Variants in GPR179 observed in about 807,000 individuals in gnomAD.
GPR179 encodes the protein G protein-coupled receptor 179, also known as probable G protein-coupled receptor 179.
A neutral mutation model predicts 70.8 loss-of-function variants in GPR179; 52 were observed. The observed-to-expected ratio is 0.73, with a 90% CI of 0.59 to 0.93. The LOEUF is 0.93. Ranked by LOEUF, GPR179 falls within the 40% of genes least tolerant of loss-of-function variation. The probability of loss-of-function intolerance (pLI) is 0.00; values close to 1 mark genes in which losing one functional copy is unlikely to be tolerated. For missense variants in GPR179, 2,734 were observed against 2,966.8 expected, an observed-to-expected ratio of 0.92 and a Z score of 1.82; for synonymous variants, 1,123 against 1,169.0, an observed-to-expected ratio of 0.96 and a Z score of 0.80.
intron 5 of GPR179, 89 bp from the exon 6 acceptor site, chr17:38,335,789 A>G: frequency 1.2e-6 from 1 of 843,256 alleles, no homozygotes; most frequent in Admixed American, 1.9e-5. Context: ...TCCTCCCAAC[A>G]GCCCTGCAAT....
Position 38,330,433 on chromosome 17 carries a change from C to T in GPR179, c.3136G>A (p.Glu1046Lys), listed in dbSNP as rs905448279. Residue 1046 changes from glutamate to lysine, a missense_variant, in exon 11 of 11, where the codon GAG becomes AAG. By Grantham distance (56) the Glu-to-Lys change is moderately conservative. Transcript: ENST00000616987. ...TGATGTGCATCCTCTGCGTCCATCT[C>T]ATTCTCCCCAGCCCTGCTTTTCTCT... is the stretch of plus-strand genomic sequence containing the variant. ...AVEKSRAGEN[E>K]MDAEDAHHQR... is the part of the protein sequence containing the mutation. 5 of 1,589,168 alleles carry T rather than the reference C, an allele frequency of 3.1e-6. No homozygotes were observed. The highest frequency in any genetic ancestry group is 1.3e-5 in the African/African-American group (1 of 74,388).
In GPR179 at chr17:38,326,914, C is replaced by T; in HGVS notation, c.6655G>A (p.Ala2219Thr). The T allele has an allele frequency of 6.2e-7, 1 of 1,614,172 alleles. No individual in the cohort carries two copies. The highest frequency in any genetic ancestry group is 1.3e-5 in the African/African-American group (1 of 75,052). The change falls in exon 11 of 11, where the codon GCA (alanine) becomes ACA (threonine). Residue 2219 changes from alanine to threonine, a missense_variant. Transcript: ENST00000616987. The stretch of plus-strand genomic sequence containing the variant: ...GTGATTTCCCATTGGCACAGCTCTG[C>T]CATCCTGCTTCCCATGCTGCCTGCT... Reference protein sequence around the residue: ...KEAGSMGSRMAELCQWEITDP... With the variant: ...KEAGSMGSRMTELCQWEITDP...
chr17:38,335,153 T>C lies in GPR179; in HGVS notation c.1525A>G (p.Thr509Ala), dbSNP rs751897940. 8 of 1,588,304 alleles carry C rather than the reference T, an allele frequency of 5.0e-6. No homozygotes were observed. The Admixed American group carries it at 1.4e-4, about 29-fold the overall frequency. ...LPVLGFLAVW[T>A]VGALERGIQH... is the part of the protein sequence containing the mutation. ...ATGCCTCGCTCCAGGGCGCCCACGGTCCACACAGCCAGGAAGCCCAGCACA... is the reference window on the plus strand; with the variant it reads ...ATGCCTCGCTCCAGGGCGCCCACGGCCCACACAGCCAGGAAGCCCAGCACA... The change falls in exon 7 of 11, where the codon ACC becomes GCC. Residue 509 changes from threonine (T) to alanine (A), a missense_variant. Transcript: ENST00000616987.
chr17:38,340,859 A>C (rs2037443690), intron 1 of GPR179, among the ~76,000 whole-genome samples: 1 of 152,234 alleles, frequency 6.6e-6, no homozygotes. Context: ...CGGAGGTTGC[A>C]GTGAGCCAAG....
In GPR179 at chr17:38,327,945, A is replaced by G; in HGVS notation, c.5624T>C (p.Ile1875Thr). Residue 1875 changes from isoleucine (I) to threonine (T), a missense_variant, in exon 11 of 11, where the codon ATT (isoleucine) becomes ACT (threonine). Coordinates refer to ENST00000616987, the MANE Select transcript of GPR179 (RefSeq NM_001004334.4). ...KLCQQQETIC[I>T]WENKDLRESP... ...TTCCCTCAAGTCCTTGTTCTCCCAA[A>G]TACAAATAGTTTCCTGTTGTTGACA... The G allele has an allele frequency of 6.2e-7, 1 of 1,614,110 alleles. No homozygotes were observed. Among genetic ancestry groups the G allele is most frequent in the South Asian group, 1.1e-5 (1 of 91,074 alleles).
Position 38,329,297 on chromosome 17 carries a change from C to T in GPR179, c.4272G>A (p.Leu1424=), listed in dbSNP as rs895571837. The T allele has an allele frequency of 3.7e-6, 6 of 1,612,826 alleles. No homozygotes were observed. The Middle Eastern group carries it at 6.6e-4, about 177-fold the overall frequency. ...FWKEQKPGGD[L]ESLCPWESTD... ...TACTCTCCCATGGACAAAGAGACTC[C>T]AAGTCTCCTCCCGGTTTCTGTTCTT... Residue 1424 remains leucine (L), a synonymous_variant, in exon 11 of 11, where the codon TTG becomes TTA. Transcript: ENST00000616987.
intron 4 of GPR179, 46 bp from the exon 5 acceptor site, chr17:38,336,190 T>C (rs1276670387): frequency 3.8e-6 from 5 of 1,318,120 alleles, no homozygotes; most frequent in Non-Finnish European, 5.5e-6. Flanking sequence ...TGGACGATGG[T>C]TCTAGAGGCT....
At position 38,329,519 on chromosome 17, in the gene GPR179, C is replaced by A; in HGVS notation, c.4050G>T (p.Gly1350=). The part of the protein sequence containing the change: ...PGRIRDKSEA[G]DSVEARKVEK... ...CCACCTTCCTGGCCTCCACACTGTC[C>A]CCCGCCTCAGATTTGTCTCTGATTC... The change falls in exon 11 of 11, where the codon GGG becomes GGT. Residue 1350 remains glycine, a synonymous_variant. Coordinates refer to ENST00000616987, the MANE Select transcript of GPR179 (RefSeq NM_001004334.4). The A allele has an allele frequency of 6.2e-7, 1 of 1,614,112 alleles. No homozygotes were observed. The highest frequency in any genetic ancestry group is 2.2e-5 in the East Asian group (1 of 44,860).
chr17:38,335,492 G>T, intron 6 of GPR179, 99 bp downstream of exon 6: 1 of 893,430 alleles, frequency 1.1e-6, no homozygotes, highest in Non-Finnish European at 1.8e-6. Context: ...GAGGGGAGTG[G>T]GGCTGGCAAG....
intron 1 of GPR179, among the ~76,000 whole-genome samples, chr17:38,340,946 C>G (rs1171965337): frequency 6.6e-6 from 1 of 151,306 alleles, no homozygotes; most frequent in African/African-American, 2.5e-5. Flanking sequence ...AACAAACAAA[C>G]AAAAAACTTT....
Position 38,324,719 on chromosome 17 carries a change from C to T in GPR179, c.*1746G>A, listed in dbSNP as rs2144248941. On this transcript the variant is annotated 3_prime_UTR_variant, in exon 11 of 11. Transcript: ENST00000616987. ...GTGCACAGCAAAATCCACTTTAGCT[C>T]AGAAGCCGTAAGGCTAACTAGCCAG... is the stretch of plus-strand genomic sequence containing the variant. Among the ~76,000 whole-genome samples the T allele has an allele frequency of 1.3e-5, 2 of 150,874 alleles. No individual in the cohort carries two copies. Among genetic ancestry groups the T allele is most frequent in the Admixed American group, 1.3e-4 (2 of 14,978 alleles).
rs776981644 is a variant in GPR179, at chr17:38,343,034, G to T, written c.756C>A (p.Thr252=). 1.2e-6 allele frequency: 2 copies of T among 1,613,130 alleles called. No individual in the cohort carries two copies. Among genetic ancestry groups the T allele is most frequent in the Non-Finnish European group, 1.7e-6 (2 of 1,179,458 alleles). Residue 252 remains threonine (T), a synonymous_variant, in exon 1 of 11, where the codon ACC becomes ACA. Transcript: ENST00000616987. This position sits in a 1 kb window ranked among gnomAD's most constrained non-coding sequence, Gnocchi z 4.2. ...RPGWLITLSA[T]FYGLKPDLSP... is the part of the protein sequence containing the mutation. ...TGAGGTCTGGCTTGAGTCCATAGAA[G>T]GTGGCAGAGAGTGTGATCAGCCATC... is the stretch of plus-strand genomic sequence containing the variant.
intron 1 of GPR179, among the ~76,000 whole-genome samples, chr17:38,340,523 C>T (rs1005234000): frequency 2.6e-5 from 4 of 152,314 alleles, no homozygotes; most frequent in South Asian, 4.1e-4. Flanking sequence ...CTCAAGCCAT[C>T]CTCCCACCTG....
intron 10 of GPR179, among the ~76,000 whole-genome samples, chr17:38,332,441 A>G (rs1390568525): frequency 6.6e-6 from 1 of 152,160 alleles, no homozygotes; most frequent in Non-Finnish European, 1.5e-5. Context: ...GAGAATAAGC[A>G]TGCTTTTCCA....
chr17:38,330,122 G>A lies in GPR179; in HGVS notation c.3447C>T (p.Asp1149=), dbSNP rs1262445850. 6 of 1,607,726 alleles carry A rather than the reference G, an allele frequency of 3.7e-6. No individual in the cohort carries two copies. The highest frequency in any genetic ancestry group is 5.1e-6 in the Non-Finnish European group (6 of 1,176,568). Residue 1149 remains aspartate, a synonymous_variant, in exon 11 of 11, where the codon GAC becomes GAT. Transcript: ENST00000616987. The part of the protein sequence containing the change: ...SKQAALIPSD[D]KESLQNQQNA... The stretch of plus-strand genomic sequence containing the variant: ...TCTGTTGGTTCTGGAGGGACTCCTT[G>A]TCATCGGAGGGGATAAGAGCGGCCT...
Position 38,337,080 on chromosome 17 carries a change from T to C in GPR179, c.1125A>G (p.Glu375=). The C allele has an allele frequency of 6.2e-7, 1 of 1,610,176 alleles. No homozygotes were observed. The highest frequency in any genetic ancestry group is 8.5e-7 in the Non-Finnish European group (1 of 1,178,686). Residue 375 remains glutamate (E), a synonymous_variant, in exon 4 of 11, where the codon GAA becomes GAG. Coordinates refer to ENST00000616987, the MANE Select transcript of GPR179 (RefSeq NM_001004334.4). The part of the protein sequence containing the change: ...SCMDATPCLV[E]EAAVLRAAVL... ...CAGCGGCCCGCAGCACCGCGGCCTCTTCCACCAGGCACGGTGTGGCATCCA... is the reference window on the plus strand; with the variant it reads ...CAGCGGCCCGCAGCACCGCGGCCTCCTCCACCAGGCACGGTGTGGCATCCA...
In GPR179 at chr17:38,325,973, TG is replaced by T. The variant is rs1439717602; in HGVS notation, c.*491del. On this transcript the variant is annotated 3_prime_UTR_variant, in exon 11 of 11. Coordinates refer to ENST00000616987, the MANE Select transcript of GPR179 (RefSeq NM_001004334.4). ...AATTAAATGGCTCTTCAGCTTTCTA[TG>T]GTGGCCTTTATAGCCTTCTGTGGTC... is the stretch of plus-strand genomic sequence containing the variant. 2 of 155,784 alleles carry T rather than the reference TG, an allele frequency of 1.3e-5. No individual in the cohort carries two copies. Among genetic ancestry groups the T allele is most frequent in the African/African-American group, 4.8e-5 (2 of 41,598 alleles). The allele number at this position is 155,784 out of a possible 1,614,324, so 9.7% of individuals were successfully genotyped here.
Position 38,330,786 on chromosome 17 carries a change from A to C in GPR179, c.2783T>G (p.Leu928Arg), listed in dbSNP as rs1287520441. ...GRLHEEARRRLPHPPIRHQVS... is the reference protein window; with the variant it reads ...GRLHEEARRRRPHPPIRHQVS... ...CTGGTGCCTGATGGGTGGATGAGGC[A>C]GCCTTCTCCTAGCCTCCTCATGAAG... is the stretch of plus-strand genomic sequence containing the variant. Residue 928 changes from leucine to arginine, a missense_variant, in exon 11 of 11, where the codon CTG becomes CGG. Leu to Arg is a moderately radical substitution (Grantham distance 102). Coordinates refer to ENST00000616987, the MANE Select transcript of GPR179 (RefSeq NM_001004334.4). 1 of 1,596,778 alleles carries C rather than the reference A, an allele frequency of 6.3e-7. No individual in the cohort carries two copies.
chr17:38,331,027 C>T lies in GPR179; in HGVS notation c.2542G>A (p.Glu848Lys). 6.2e-7 allele frequency: 1 copy of T among 1,609,834 alleles called. No individual in the cohort carries two copies. Among genetic ancestry groups the T allele is most frequent in the Non-Finnish European group, 8.5e-7 (1 of 1,179,954 alleles). ...QKSLSVASSR[E>K]KALLMASQAY... ...TGGCTGGCCATGAGCAAGGCCTTTT[C>T]CCTGGAGCTGGCCACACTGAGCGAC... Residue 848 changes from glutamate (E) to lysine (K), a missense_variant, in exon 11 of 11, where the codon GAA (glutamate) becomes AAA (lysine). By Grantham distance (56) the Glu-to-Lys change is moderately conservative (BLOSUM62 1). Transcript: ENST00000616987.
Sources: gnomAD v4.1 joint callset for allele counts (sites outside exome capture counted in the v4.1 genomes callset) on GRCh38, gnomAD v4.1.1 for gene constraint, Gnocchi (gnomAD v3.1) non-coding constraint, MANE v1.5 for transcripts, NCBI Gene and HGNC (gene_info 2026-07-23, HGNC 2026-07-21) for gene names.